Variants in ERCC8 observed in about 807,000 individuals in gnomAD.
The protein encoded by ERCC8 is DNA excision repair protein ERCC-8.
A neutral mutation model predicts 54.9 loss-of-function variants in ERCC8; 52 were observed. That is an observed-to-expected ratio of 0.95 (90% CI 0.76 to 1.19). The LOEUF (loss-of-function observed/expected upper bound fraction) is 1.19, where lower values mean the gene tolerates loss of function less well. ERCC8 is among the 50% of genes most tolerant of loss of function. ERCC8 has a pLI of 0.00. For missense variants in ERCC8, 514 were observed against 466.1 expected, an observed-to-expected ratio of 1.10 and a Z score of -0.95; for synonymous variants, 146 against 157.2, an observed-to-expected ratio of 0.93 and a Z score of 0.53.
rs1561502087 is a variant in ERCC8, at chr5:60,899,633, C to T, written c.712G>A (p.Glu238Lys). Residue 238 changes from glutamate (E) to lysine (K), a missense_variant, in exon 8 of 12, where the codon GAA (glutamate) becomes AAA (lysine). Transcript: ENST00000676185. ...TTAATGCGTTCTTCCTTACCTGATT[C>T]AACAGCTTGTGACTTTTTCCCATTA... ...QHNGKKSQAV[E>K]SANTAHNGKV... 3 of 1,606,488 alleles carry T rather than the reference C, an allele frequency of 1.9e-6. No individual in the cohort carries two copies. Among genetic ancestry groups the T allele is most frequent in the Non-Finnish European group, 2.6e-6 (3 of 1,173,714 alleles).
At chr5:60,941,754 T>TA (rs1315619375) in intron 1 of ERCC8, among the ~76,000 whole-genome samples, 1 of 152,058 alleles carries the variant, frequency 6.6e-6, no homozygotes, top group East Asian at 1.9e-4. Context: ...AGACCTACTC[T>TA]AAAAAAATTG....
chr5:60,877,355 C>T (rs985807117), intron 11 of ERCC8, among the ~76,000 whole-genome samples: 2 of 152,168 alleles, frequency 1.3e-5, no homozygotes, highest in African/African-American at 4.8e-5. Flanking sequence ...ATTGACTTGG[C>T]AATGCGGGCT....
intron 11 of ERCC8, among the ~76,000 whole-genome samples, chr5:60,880,211 T>C (rs972207633): frequency 5.9e-5 from 9 of 152,226 alleles, no homozygotes; most frequent in African/African-American, 2.2e-4. Context: ...TCTTCTGGCT[T>C]GTAGAGTTTC....
At position 60,872,089 on chromosome 5, in the gene ERCC8, C is replaced by T. The variant is rs536342624; in HGVS notation, c.*2526G>A. 1.2e-3 allele frequency among the ~76,000 whole-genome samples: 186 copies of T among 152,242 alleles called. No homozygotes were observed. Among genetic ancestry groups the T allele is most frequent in the Middle Eastern group, 6.8e-3 (2 of 294 alleles). ...GTGTTAGGATTACAACCACCGTGCC[C>T]GGCCAATAGCTTTTTCAAACTAGCT... On this transcript the variant is annotated 3_prime_UTR_variant, in exon 12 of 12. Transcript: ENST00000676185.
At chr5:60,933,179 G>A (rs1359205862) in intron 1 of ERCC8, among the ~76,000 whole-genome samples, 2 of 141,756 alleles carry the variant, frequency 1.4e-5, no homozygotes, top group Admixed American at 1.4e-4. Flanking sequence ...TATATTATAT[G>A]TATGTATATC....
At chr5:60,903,593 T>C in intron 6 of ERCC8, 55 bp downstream of exon 6, 1 of 1,608,538 alleles carries the variant, frequency 6.2e-7, no homozygotes. Context: ...GTAACGTTTC[T>C]TTTTATTGAA....
At chr5:60,920,144 G>A (rs1749560525) in intron 3 of ERCC8, among the ~76,000 whole-genome samples, 1 of 151,918 alleles carries the variant, frequency 6.6e-6, no homozygotes, top group South Asian at 2.1e-4. Context: ...TGTTCCTGTG[G>A]TGTGACCCTG....
intron 11 of ERCC8, among the ~76,000 whole-genome samples, chr5:60,880,308 T>G (rs1748168422): frequency 6.6e-6 from 1 of 152,208 alleles, no homozygotes. Flanking sequence ...ATTTTTTCCT[T>G]CATTTCAGCT....
intron 9 of ERCC8, among the ~76,000 whole-genome samples, chr5:60,897,472 A>G (rs1748754339): frequency 6.6e-6 from 1 of 152,228 alleles, no homozygotes; most frequent in Non-Finnish European, 1.5e-5. Context: ...TTAGCACAGT[A>G]TCTGACATAC....
intron 1 of ERCC8, among the ~76,000 whole-genome samples, chr5:60,944,133 G>T (rs1260054049): frequency 6.6e-6 from 1 of 151,584 alleles, no homozygotes; most frequent in Non-Finnish European, 1.5e-5. Context: ...ATAGATCTGG[G>T]AATCATTATT....
intron 11 of ERCC8, among the ~76,000 whole-genome samples, chr5:60,881,816 G>A (rs541227735): frequency 2.8e-4 from 42 of 152,258 alleles, no homozygotes; most frequent in Non-Finnish European, 4.6e-4. Context: ...CCCAGGTGAG[G>A]CGATGCCTCA....
chr5:60,902,102 T>A (rs1364936242), intron 7 of ERCC8, among the ~76,000 whole-genome samples: 1 of 152,100 alleles, frequency 6.6e-6, no homozygotes, highest in Non-Finnish European at 1.5e-5. Flanking sequence ...AATGTGTGGA[T>A]ATGTTACATC....
At position 60,869,020 on chromosome 5, in the gene ERCC8, A is replaced by G. The variant is rs1170109231; in HGVS notation, c.*5595T>C. On this transcript the variant is annotated 3_prime_UTR_variant, in exon 12 of 12. Coordinates refer to ENST00000676185, the MANE Select transcript of ERCC8 (RefSeq NM_000082.4). ...GCATAGTTAGAGTGATTTTAAGTTTACTGCTTTAGTGATAAGTTTTTTAGT... is the reference window on the plus strand; with the variant it reads ...GCATAGTTAGAGTGATTTTAAGTTTGCTGCTTTAGTGATAAGTTTTTTAGT... Among the ~76,000 whole-genome samples, 1 of 152,196 alleles carries G rather than the reference A, an allele frequency of 6.6e-6. No homozygotes were observed. The highest frequency in any genetic ancestry group is 1.5e-5 in the Non-Finnish European group (1 of 68,028).
At chr5:60,891,908 G>A in intron 9 of ERCC8, 1 of 485,930 alleles carries the variant, frequency 2.1e-6, no homozygotes. Flanking sequence ...GCTTGGATCG[G>A]AAGGGAAGTG....
chr5:60,887,640 C>T (rs1431599203), intron 10 of ERCC8, 120 bp from the exon 11 acceptor site: 2 of 755,304 alleles, frequency 2.6e-6, no homozygotes, highest in Non-Finnish European at 4.7e-6. Context: ...TTTCTACTCC[C>T]TAAAGAAACT....
At chr5:60,943,575 C>T (rs1750328414) in intron 1 of ERCC8, among the ~76,000 whole-genome samples, 1 of 151,934 alleles carries the variant, frequency 6.6e-6, no homozygotes, top group South Asian at 2.1e-4. Flanking sequence ...ATTTCTGTGC[C>T]CTTGAGATAA....
At chr5:60,921,770 C>T (rs1363659970) in intron 3 of ERCC8, among the ~76,000 whole-genome samples, 1 of 151,668 alleles carries the variant, frequency 6.6e-6, no homozygotes, top group East Asian at 1.9e-4. Context: ...CTGAGATGTG[C>T]TATGTAGGTA....
At chr5:60,893,331 C>A in intron 9 of ERCC8, 1 of 860,302 alleles carries the variant, frequency 1.2e-6, no homozygotes, top group Non-Finnish European at 2.0e-6. Context: ...CTTAGGATAT[C>A]CTCACAGTAG....
intron 4 of ERCC8, among the ~76,000 whole-genome samples, chr5:60,914,627 A>C (rs1749373544): frequency 6.6e-6 from 1 of 151,736 alleles, no homozygotes; most frequent in Non-Finnish European, 1.5e-5. Context: ...CTGCCTCTAC[A>C]AAAAGTTAAA....
Sources: allele counts gnomAD v4.1 joint callset (sites outside exome capture counted in the v4.1 genomes callset), GRCh38; gene constraint gnomAD v4.1.1; transcripts MANE v1.5; gene names NCBI Gene and HGNC (gene_info 2026-07-23, HGNC 2026-07-21).